Variants in RBFOX1 observed in about 807,000 individuals in gnomAD.
RBFOX1 encodes RNA binding fox-1 homolog 1.
In RBFOX1, 8 loss-of-function variants were observed where a neutral mutation model predicts 57.7. The ratio of observed to expected loss-of-function variants is 0.14; its 90% CI spans 0.08 to 0.25. The LOEUF (loss-of-function observed/expected upper bound fraction) is 0.25. Ranked by LOEUF, RBFOX1 falls within the 10% of genes least tolerant of loss-of-function variation. The pLI is 1.00. For synonymous variants in RBFOX1, 326 were observed against 222.4 expected, an observed-to-expected ratio of 1.47 and a Z score of -4.15; for missense variants, 611 against 548.5, an observed-to-expected ratio of 1.11 and a Z score of -1.14.
intron 2 of RBFOX1, among the ~76,000 whole-genome samples, chr16:5,591,365 C>A (rs1426103658): frequency 6.6e-6 from 1 of 151,808 alleles, no homozygotes; most frequent in East Asian, 1.9e-4. Flanking sequence ...GATTCTCCTG[C>A]CTCAGCCTCC....
chr16:6,258,127 C>T (rs558755884), intron 1 of RBFOX1, among the ~76,000 whole-genome samples: 4 of 152,212 alleles, frequency 2.6e-5, no homozygotes, highest in South Asian at 2.1e-4. Context: ...TCTTTTGTAA[C>T]GTTTTATTTA....
intron 3 of RBFOX1, among the ~76,000 whole-genome samples, chr16:5,753,129 C>T (rs1042257154): frequency 6.6e-6 from 1 of 151,820 alleles, no homozygotes; most frequent in African/African-American, 2.4e-5. Context: ...CACTGCACTC[C>T]AGCATGGGCA....
intron 4 of RBFOX1, among the ~76,000 whole-genome samples, chr16:7,516,766 CT>C (rs2076447585): frequency 6.6e-6 from 1 of 152,118 alleles, no homozygotes; most frequent in Non-Finnish European, 1.5e-5. Flanking sequence ...CAAGTGTCAT[CT>C]TTAACATTCT....
intron 1 of RBFOX1, among the ~76,000 whole-genome samples, chr16:6,220,594 C>G (rs1161343754): frequency 6.6e-6 from 1 of 152,088 alleles, no homozygotes; most frequent in South Asian, 2.1e-4. Context: ...TTCTGAAAAG[C>G]CTGTTTTATT....
intron 1 of RBFOX1, among the ~76,000 whole-genome samples, chr16:6,199,845 C>A (rs1234223209): frequency 6.6e-6 from 1 of 152,144 alleles, no homozygotes; most frequent in Non-Finnish European, 1.5e-5. Context: ...CCAACACTCT[C>A]AGCCACAGCT....
intron 4 of RBFOX1, among the ~76,000 whole-genome samples, chr16:7,483,772 C>G (rs1444370567): frequency 2.6e-5 from 4 of 152,198 alleles, no homozygotes; most frequent in Admixed American, 2.6e-4. Flanking sequence ...AGTTAAAAGC[C>G]AGGCCTGGGA....
At chr16:7,329,246 A>G (rs1603623104) in intron 4 of RBFOX1, among the ~76,000 whole-genome samples, 2 of 152,148 alleles carry the variant, frequency 1.3e-5, no homozygotes, top group South Asian at 2.1e-4. Flanking sequence ...TGACTTCCGT[A>G]TGTTTCAGGG....
At chr16:6,556,661 C>T (rs1179834150) in intron 2 of RBFOX1, among the ~76,000 whole-genome samples, 1 of 151,938 alleles carries the variant, frequency 6.6e-6, no homozygotes, top group Admixed American at 6.6e-5. Context: ...AGTGCCATGG[C>T]CAAATTGTTT....
intron 14 of RBFOX1, among the ~76,000 whole-genome samples, chr16:7,679,000 G>A (rs757577365): frequency 1.2e-4 from 18 of 152,246 alleles, no homozygotes; most frequent in East Asian, 1.9e-4. Context: ...TGCACATTTG[G>A]TCTTCTTGGT....
At chr16:6,552,925 G>A (rs1247036136) in intron 2 of RBFOX1, among the ~76,000 whole-genome samples, 3 of 151,838 alleles carry the variant, frequency 2.0e-5, no homozygotes, top group Admixed American at 6.6e-5. Flanking sequence ...ATAGATTTCT[G>A]GTATCTATGT....
At chr16:7,676,913 G>A in intron 14 of RBFOX1, 75 bp downstream of exon 14, 1 of 1,436,924 alleles carries the variant, frequency 7.0e-7, no homozygotes, top group South Asian at 1.1e-5. Context: ...ATTCTTGTAT[G>A]GTCTTGGTGA....
chr16:6,771,166 G>T (rs9929379), intron 3 of RBFOX1, among the ~76,000 whole-genome samples: 1 of 152,008 alleles, frequency 6.6e-6, no homozygotes, highest in Non-Finnish European at 1.5e-5. Context: ...GAAGATGGTC[G>T]TCTGCAAGCC....
intron 2 of RBFOX1, among the ~76,000 whole-genome samples, chr16:6,473,990 C>T (rs1009066101): frequency 2.0e-5 from 3 of 152,148 alleles, no homozygotes; most frequent in Non-Finnish European, 4.4e-5. Flanking sequence ...AGTAATCTGA[C>T]TTCCTTGAAT....
At chr16:6,659,746 T>C (rs1038561610) in intron 3 of RBFOX1, among the ~76,000 whole-genome samples, 1 of 152,066 alleles carries the variant, frequency 6.6e-6, no homozygotes, top group African/African-American at 2.4e-5. Context: ...CTTCACAGTG[T>C]TTACAAGCCT....
chr16:7,025,433 C>T (rs572361483), intron 3 of RBFOX1, among the ~76,000 whole-genome samples: 11 of 152,204 alleles, frequency 7.2e-5, no homozygotes, highest in African/African-American at 1.4e-4. Flanking sequence ...CCTATTTTAT[C>T]GTATGACTTA....
chr16:6,116,413 A>C (rs544387005), intron 1 of RBFOX1, among the ~76,000 whole-genome samples: 99 of 152,326 alleles, frequency 6.5e-4, no homozygotes, highest in Non-Finnish European at 1.3e-3. Flanking sequence ...AACTTAAAGT[A>C]TAATAATAAT....
chr16:6,228,009 T>C (rs925190648), intron 1 of RBFOX1, among the ~76,000 whole-genome samples: 6 of 152,282 alleles, frequency 3.9e-5, no homozygotes, highest in Admixed American at 1.3e-4. Context: ...TGCAGCACTA[T>C]TCAAACTAGC....
rs111803604 is a variant in RBFOX1 at position 5,352,325 on chromosome 16, C to G, written c.219+112220C>G. ...TTAAAAAAGTTCACATACATTTAAC[C>G]TATAACCCAGCAATTGCATTCCTAG... On this transcript the variant is annotated intron_variant, in intron 1 of 2. Transcript: ENST00000585867. Among the ~76,000 whole-genome samples the G allele has an allele frequency of 1.1e-3, 164 of 152,296 alleles. 1 individual carries two copies. The highest frequency in any genetic ancestry group is 3.9e-3 in the African/African-American group (162 of 41,546).
At chr16:6,243,606 G>A (rs1433357583) in intron 1 of RBFOX1, among the ~76,000 whole-genome samples, 1 of 152,172 alleles carries the variant, frequency 6.6e-6, no homozygotes, top group Non-Finnish European at 1.5e-5. Flanking sequence ...ACTCGGGTCA[G>A]GTGGACCCAC....
Sources: gnomAD v4.1 joint callset for allele counts (sites outside exome capture counted in the v4.1 genomes callset) on GRCh38, gnomAD v4.1.1 for gene constraint, MANE v1.5 for transcripts, NCBI Gene and HGNC (gene_info 2026-07-23, HGNC 2026-07-21) for gene names.